Variants in BMPER observed in about 807,000 individuals in gnomAD.
BMPER encodes the protein BMP binding endothelial regulator.
BMPER carries 45 observed loss-of-function variants against 87.3 expected under a neutral mutation model. That is an observed-to-expected ratio of 0.52 (90% CI 0.41 to 0.66). The LOEUF is 0.66. BMPER is among the 30% of genes least tolerant of loss of function. The pLI, the probability that BMPER is intolerant of heterozygous loss-of-function variation, is 0.00. For synonymous variants in BMPER, 326 were observed against 316.2 expected, an observed-to-expected ratio of 1.03 and a Z score of -0.33; for missense variants, 784 against 867.5, an observed-to-expected ratio of 0.90 and a Z score of 1.21.
chr7:33,981,914 A>G (rs923745220), intron 6 of BMPER, among the ~76,000 whole-genome samples: 1 of 152,222 alleles, frequency 6.6e-6, no homozygotes, highest in African/African-American at 2.4e-5. Flanking sequence ...AGAGATCCCC[A>G]CAAGTTCTGG....
At chr7:33,923,894 A>G (rs985326440) in intron 2 of BMPER, among the ~76,000 whole-genome samples, 1 of 152,158 alleles carries the variant, frequency 6.6e-6, no homozygotes, top group Non-Finnish European at 1.5e-5. Flanking sequence ...CGTTTTCTCT[A>G]TTTATATTCA....
At chr7:34,025,537 G>A (rs1049273096) in intron 6 of BMPER, among the ~76,000 whole-genome samples, 26 of 152,114 alleles carry the variant, frequency 1.7e-4, no homozygotes, top group African/African-American at 6.0e-4. Context: ...AGTTCTAGCT[G>A]CAAGAAGGAG....
intron 6 of BMPER, among the ~76,000 whole-genome samples, chr7:34,012,939 G>A (rs2127942083): frequency 6.6e-6 from 1 of 151,936 alleles, no homozygotes; most frequent in Admixed American, 6.6e-5. Flanking sequence ...AAACTTACTA[G>A]CTCACATGTT....
chr7:34,011,115 G>C (rs1786862715), intron 6 of BMPER, among the ~76,000 whole-genome samples: 1 of 151,756 alleles, frequency 6.6e-6, no homozygotes, highest in Non-Finnish European at 1.5e-5. Flanking sequence ...TACAGGCCAT[G>C]ATTCTAGTAA....
intron 13 of BMPER, among the ~76,000 whole-genome samples, chr7:34,093,481 A>T (rs1290736933): frequency 6.6e-6 from 1 of 152,194 alleles, no homozygotes; most frequent in Non-Finnish European, 1.5e-5. Flanking sequence ...CTGTCTAGTG[A>T]CCAAATGCCT....
intron 6 of BMPER, among the ~76,000 whole-genome samples, chr7:34,020,006 A>G (rs1787138354): frequency 6.7e-6 from 1 of 149,396 alleles, no homozygotes; most frequent in East Asian, 2.0e-4. Flanking sequence ...AGGAATGTGG[A>G]TACACCAGAG....
rs1028121280 is a variant in BMPER at position 34,141,833 on chromosome 7, T to C, written c.1746-1397T>C. Among the ~76,000 whole-genome samples the C allele has an allele frequency of 1.3e-4, 20 of 152,172 alleles. 1 individual carries two copies. Among genetic ancestry groups the C allele is most frequent in the Admixed American group, 5.9e-4 (9 of 15,278 alleles). On this transcript the variant is annotated intron_variant, in intron 13 of 14. Transcript: ENST00000649409. ...CTTGAGTGTTGGGCTGCAATAACTT[T>C]GTGGGTTCACTGTGGGTCTGTTGCT...
At chr7:34,095,239 G>C (rs767382224) in intron 13 of BMPER, among the ~76,000 whole-genome samples, 6 of 152,182 alleles carry the variant, frequency 3.9e-5, no homozygotes, top group Non-Finnish European at 8.8e-5. Context: ...AGGAGCTCAG[G>C]TGTCTTGTTT....
chr7:33,915,976 A>G (rs1289768238), intron 2 of BMPER, among the ~76,000 whole-genome samples: 2 of 152,204 alleles, frequency 1.3e-5, no homozygotes, highest in Non-Finnish European at 2.9e-5. Context: ...TTACAGCACA[A>G]AAAATTCTCA....
intron 13 of BMPER, among the ~76,000 whole-genome samples, chr7:34,110,396 A>G (rs1404142284): frequency 1.3e-5 from 2 of 152,174 alleles, no homozygotes; most frequent in South Asian, 2.1e-4. Flanking sequence ...TGCACAGGTT[A>G]GCGTTTGCTT....
At chr7:33,939,678 C>G (rs564162242) in intron 3 of BMPER, among the ~76,000 whole-genome samples, 62 of 152,122 alleles carry the variant, frequency 4.1e-4, no homozygotes, top group East Asian at 1.4e-3. Context: ...GGCTCTTCCC[C>G]CTTTGCTTGG....
At chr7:34,038,310 C>T (rs961806054) in intron 6 of BMPER, among the ~76,000 whole-genome samples, 9 of 152,130 alleles carry the variant, frequency 5.9e-5, no homozygotes, top group Non-Finnish European at 1.2e-4. Context: ...AGGTGCTGCA[C>T]TGATAGCTTT....
chr7:34,118,653 A>G (rs746767440), intron 13 of BMPER, among the ~76,000 whole-genome samples: 1 of 152,168 alleles, frequency 6.6e-6, no homozygotes, highest in Non-Finnish European at 1.5e-5. Context: ...TTGTGTGCCA[A>G]TTTGGCTAAG....
At chr7:34,061,402 C>G (rs945689891) in intron 10 of BMPER, among the ~76,000 whole-genome samples, 1 of 152,170 alleles carries the variant, frequency 6.6e-6, no homozygotes. Context: ...CTCAGTGTTT[C>G]AAAATTCTCA....
Position 34,062,122 on chromosome 7 carries a change from G to A in BMPER, c.1078+75G>A. ...ATAGTGCAACAAGAAAAATAGGGGT[G>A]TATGTTTCCCACACATTTTATTTTT... On this transcript the variant is annotated intron_variant, in intron 11 of 14. Coordinates refer to ENST00000649409, the MANE Select transcript of BMPER (RefSeq NM_001365308.1). The A allele has an allele frequency of 3.7e-6, 5 of 1,335,122 alleles. No individual in the cohort carries two copies. The Admixed American group carries it at 5.4e-5, about 15-fold the overall frequency. 82.7% of individuals were successfully genotyped at this position (1,335,122 alleles called of 1,614,324 possible). A position where few individuals can be genotyped will look rare whatever the true frequency, so the allele number is the denominator to read the frequency against.
chr7:34,032,026 A>T (rs532519393), intron 6 of BMPER, among the ~76,000 whole-genome samples: 1,882 of 146,844 alleles, frequency 0.013, 48 homozygotes, highest in African/African-American at 0.043. Flanking sequence ...TATATATATA[A>T]AATAGTTAAC....
At chr7:33,953,340 C>T (rs1785071920) in intron 3 of BMPER, among the ~76,000 whole-genome samples, 1 of 152,190 alleles carries the variant, frequency 6.6e-6, no homozygotes, top group East Asian at 1.9e-4. Context: ...TAAAGACCCT[C>T]AGTTATTTGA....
rs1583450575 is a variant in BMPER, at chr7:34,111,763, G to A, written c.1745+25671G>A. 1.1e-4 allele frequency among the ~76,000 whole-genome samples: 17 copies of A among 152,028 alleles called. No homozygotes were observed. In the South Asian group the frequency reaches 3.5e-3, roughly 32 times the overall value. ...AGTTTCACTCTTATTGCCCAGGCTG[G>A]AGTGCAATGGCACGATCTCGGCTCA... On this transcript the variant is annotated intron_variant, in intron 13 of 14. Transcript: ENST00000649409.
At chr7:33,991,220 A>T (rs4365993) in intron 6 of BMPER, among the ~76,000 whole-genome samples, 23,469 of 149,836 alleles carry the variant, frequency 0.16, 2,089 homozygotes, top group Middle Eastern at 0.24. Context: ...CCTCTGGTAG[A>T]ATTCGGCTGT....
Sources: allele counts gnomAD v4.1 joint callset (sites outside exome capture counted in the v4.1 genomes callset), GRCh38; gene constraint gnomAD v4.1.1; transcripts MANE v1.5; gene names NCBI Gene and HGNC (gene_info 2026-07-23, HGNC 2026-07-21).